Variants in PRCP observed in about 807,000 individuals in gnomAD.
The protein encoded by PRCP is prolylcarboxypeptidase.
Under a neutral mutation model 54.2 loss-of-function variants are expected in PRCP, and 46 were observed. That is an observed-to-expected ratio of 0.85 (90% CI 0.67 to 1.09). The LOEUF (loss-of-function observed/expected upper bound fraction) is 1.09. PRCP is among the 50% of genes least tolerant of loss of function. The pLI is 0.00. For synonymous variants in PRCP, 240 were observed against 212.2 expected, an observed-to-expected ratio of 1.13 and a Z score of -1.14; for missense variants, 613 against 596.8, an observed-to-expected ratio of 1.03 and a Z score of -0.28.
chr11:82,849,425 T>C (rs1047788571), intron 5 of PRCP, among the ~76,000 whole-genome samples: 1 of 152,194 alleles, frequency 6.6e-6, no homozygotes, highest in Non-Finnish European at 1.5e-5. Context: ...AGAATTATTC[T>C]CCCTTTTTAA....
intron 2 of PRCP, 91 bp downstream of exon 2, chr11:82,859,886 A>G: frequency 5.6e-6 from 7 of 1,260,738 alleles, no homozygotes; most frequent in Non-Finnish European, 7.5e-6. Flanking sequence ...AAGAACAGCA[A>G]TGTTTGGTCA....
chr11:82,824,064 T>C lies in PRCP; in HGVS notation c.*842A>G, dbSNP rs550722954. 6.6e-6 allele frequency: 1 copy of C among 152,234 alleles called. No individual in the cohort carries two copies. Among genetic ancestry groups the C allele is most frequent in the South Asian group, 2.1e-4 (1 of 4,834 alleles). The allele number at this position is 152,234 out of a possible 1,614,324, so 9.4% of individuals were successfully genotyped here. A position where few individuals can be genotyped will look rare whatever the true frequency, so the allele number is the denominator to read the frequency against. On this transcript the variant is annotated 3_prime_UTR_variant, in exon 9 of 9. Transcript: ENST00000313010. ...TCATCAATTTTTAAAGGCTTCTTAC[T>C]GAAATATAATTAGTGACTACAGCAT...
chr11:82,878,859 G>T (rs74817843), intron 1 of PRCP, among the ~76,000 whole-genome samples: 1 of 152,202 alleles, frequency 6.6e-6, no homozygotes, highest in Non-Finnish European at 1.5e-5. Flanking sequence ...TAAGAAGGTT[G>T]AGTGTTGGCC....
At position 82,875,310 on chromosome 11, in the gene PRCP, G is replaced by A. The variant is rs189033141; in HGVS notation, c.169-15193C>T. Among the ~76,000 whole-genome samples the A allele has an allele frequency of 2.6e-3, 403 of 152,352 alleles. 1 individual carries two copies. Among genetic ancestry groups the A allele is most frequent in the African/African-American group, 8.8e-3 (364 of 41,580 alleles). On this transcript the variant is annotated intron_variant, in intron 1 of 8. Transcript: ENST00000313010. The stretch of plus-strand genomic sequence containing the variant: ...TGAGTTGAACTGGAAGAACTGAGAA[G>A]TATGATGTGACATCTGAAGACCAAG...
chr11:82,863,759 G>T lies in PRCP; in HGVS notation c.169-3642C>A, dbSNP rs145180101. Among the ~76,000 whole-genome samples, 487 of 152,122 alleles carry T rather than the reference G, an allele frequency of 3.2e-3. 2 individuals carry two copies. The highest frequency in any genetic ancestry group is 0.02 in the Middle Eastern group (6 of 294). ...AAACACTTCCATCTAGAATCACAAG[G>T]GCCACAAGAACTTCAGAACCAGAGA... On this transcript the variant is annotated intron_variant, in intron 1 of 8. Coordinates refer to ENST00000313010, the MANE Select transcript of PRCP (RefSeq NM_005040.4).
intron 1 of PRCP, among the ~76,000 whole-genome samples, chr11:82,862,460 G>T (rs1859228320): frequency 6.6e-6 from 1 of 152,200 alleles, no homozygotes; most frequent in African/African-American, 2.4e-5. Flanking sequence ...GTCTGGGTCA[G>T]ACATAGGCTG....
intron 1 of PRCP, among the ~76,000 whole-genome samples, chr11:82,870,278 T>C (rs1198236884): frequency 6.6e-6 from 1 of 152,200 alleles, no homozygotes; most frequent in Non-Finnish European, 1.5e-5. Flanking sequence ...AAATTTGTGT[T>C]TCCAACAACA....
chr11:82,888,443 A>G (rs1859919598), intron 1 of PRCP, among the ~76,000 whole-genome samples: 1 of 152,146 alleles, frequency 6.6e-6, no homozygotes, highest in Non-Finnish European at 1.5e-5. Flanking sequence ...CAAATGAAAA[A>G]CCGAAATCAT....
chr11:82,827,237 A>G (rs1035826972), intron 8 of PRCP: 1 of 152,228 alleles, frequency 6.6e-6, no homozygotes, highest in Non-Finnish European at 1.5e-5. Flanking sequence ...TCTTGATAGT[A>G]TCATTTGCAG....
At chr11:82,855,395 G>A (rs1859060474) in intron 2 of PRCP, among the ~76,000 whole-genome samples, 1 of 152,244 alleles carries the variant, frequency 6.6e-6, no homozygotes, top group East Asian at 1.9e-4. Flanking sequence ...GAGGTGGGCG[G>A]ATCACAAGGT....
At chr11:82,879,401 A>G (rs1192027773) in intron 1 of PRCP, among the ~76,000 whole-genome samples, 2 of 152,144 alleles carry the variant, frequency 1.3e-5, no homozygotes, top group Non-Finnish European at 2.9e-5. Context: ...GGTCTTCTCT[A>G]TGCTGTTTAT....
chr11:82,825,001 C>A lies in PRCP; in HGVS notation c.1396G>T (p.Asp466Tyr), dbSNP rs754025570. The stretch of plus-strand genomic sequence containing the variant: ...CGGGCTAACAGCACAGACATAGGAT[C>A]CAAGGCATTCTTGGTGCGGAGATCT... ...HLDLRTKNALDPMSVLLARSL... is the reference protein window; with the variant it reads ...HLDLRTKNALYPMSVLLARSL... Residue 466 changes from aspartate (D) to tyrosine (Y), a missense_variant, in exon 9 of 9, where the codon GAT becomes TAT. Coordinates refer to ENST00000313010, the MANE Select transcript of PRCP (RefSeq NM_005040.4). 4 of 1,613,998 alleles carry A rather than the reference C, an allele frequency of 2.5e-6. No individual in the cohort carries two copies. The highest frequency in any genetic ancestry group is 4.5e-5 in the East Asian group (2 of 44,894).
At chr11:82,871,255 G>A (rs375689137) in intron 1 of PRCP, among the ~76,000 whole-genome samples, 3 of 142,074 alleles carry the variant, frequency 2.1e-5, no homozygotes, top group Admixed American at 7.8e-5. Context: ...ATCTTGGCTC[G>A]TGCAAACTTC....
At chr11:82,870,729 T>G (rs1859459481) in intron 1 of PRCP, among the ~76,000 whole-genome samples, 1 of 152,202 alleles carries the variant, frequency 6.6e-6, no homozygotes, top group Non-Finnish European at 1.5e-5. Context: ...TGAATTGGTA[T>G]GCACAATAAT....
At chr11:82,895,171 T>G (rs1454346301) in intron 1 of PRCP, among the ~76,000 whole-genome samples, 1 of 152,194 alleles carries the variant, frequency 6.6e-6, no homozygotes, top group Admixed American at 6.5e-5. Context: ...ACATACCACC[T>G]CTTTTTACAA....
chr11:82,883,861 T>TA (rs1471904067), intron 1 of PRCP, among the ~76,000 whole-genome samples: 1 of 152,138 alleles, frequency 6.6e-6, no homozygotes, highest in Non-Finnish European at 1.5e-5. Flanking sequence ...TTAGACTACA[T>TA]AAAAAGGCAA....
At chr11:82,840,525 C>G (rs1465563695) in intron 6 of PRCP, 2 of 151,998 alleles carry the variant, frequency 1.3e-5, no homozygotes, top group African/African-American at 4.8e-5. Context: ...ATATATGTGA[C>G]AAATCAAATA....
At chr11:82,829,069 A>C (rs1278918001) in intron 8 of PRCP, 3 of 152,170 alleles carry the variant, frequency 2.0e-5, no homozygotes, top group Admixed American at 2.0e-4. Context: ...CCCTGATCCA[A>C]GTCACCATTA....
chr11:82,830,627 C>CAAAAAAAAAA (rs35851740), intron 8 of PRCP: 6 of 18,642 alleles, frequency 3.2e-4, no homozygotes, highest in African/African-American at 1.0e-3. Flanking sequence ...GACTCCATCT[C>CAAAAAAAAAA]AAAAAAAAAA....
Sources: gnomAD v4.1 joint callset for allele counts (sites outside exome capture counted in the v4.1 genomes callset) on GRCh38, gnomAD v4.1.1 for gene constraint, MANE v1.5 for transcripts, NCBI Gene and HGNC (gene_info 2026-07-23, HGNC 2026-07-21) for gene names.